Variants in RALGAPA1 observed in about 807,000 individuals in gnomAD.
RALGAPA1 encodes the protein Ral GTPase activating protein catalytic subunit alpha 1.
In RALGAPA1, 52 loss-of-function variants were observed where a neutral mutation model predicts 269.6. That is an observed-to-expected ratio of 0.19 (90% CI 0.15 to 0.24). RALGAPA1 has a LOEUF of 0.24. Ranked by LOEUF, RALGAPA1 falls within the 10% of genes least tolerant of loss-of-function variation. The probability of loss-of-function intolerance (pLI) is 1.00; values close to 1 mark genes in which losing one functional copy is unlikely to be tolerated. For synonymous variants in RALGAPA1, 817 were observed against 1,008.3 expected, an observed-to-expected ratio of 0.81 and a Z score of 3.60; for missense variants, 1,917 against 3,013.9, an observed-to-expected ratio of 0.64 and a Z score of 8.52.
At chr14:35,600,331 A>G (rs1161866917) in intron 36 of RALGAPA1, among the ~76,000 whole-genome samples, 1 of 148,804 alleles carries the variant, frequency 6.7e-6, no homozygotes, top group Non-Finnish European at 1.5e-5. Flanking sequence ...CCGGGACTCA[A>G]GCAATCCTCC....
At chr14:35,561,683 T>C (rs1206902342) in intron 39 of RALGAPA1, among the ~76,000 whole-genome samples, 2 of 151,948 alleles carry the variant, frequency 1.3e-5, no homozygotes, top group Non-Finnish European at 2.9e-5. Flanking sequence ...TAATTTTTTG[T>C]ATTTTTAGTA....
chr14:35,758,528 C>T (rs2073400385), intron 6 of RALGAPA1, among the ~76,000 whole-genome samples: 1 of 151,934 alleles, frequency 6.6e-6, no homozygotes, highest in South Asian at 2.1e-4. Flanking sequence ...AGAAGTCAGT[C>T]ACAAATATAT....
chr14:35,709,759 C>A (rs1442956267), intron 16 of RALGAPA1, among the ~76,000 whole-genome samples: 1 of 152,088 alleles, frequency 6.6e-6, no homozygotes, highest in Non-Finnish European at 1.5e-5. Flanking sequence ...TCATTTAGTT[C>A]AAAATATTCT....
intron 20 of RALGAPA1, 54 bp from the exon 21 acceptor site, chr14:35,684,039 T>A: frequency 7.0e-7 from 1 of 1,431,120 alleles, no homozygotes; most frequent in Non-Finnish European, 9.6e-7. Flanking sequence ...GTAAAAATAT[T>A]TACGAGAGCT....
At chr14:35,734,433 A>T (rs1398508521) in intron 12 of RALGAPA1, among the ~76,000 whole-genome samples, 3 of 152,176 alleles carry the variant, frequency 2.0e-5, no homozygotes, top group Non-Finnish European at 4.4e-5. Flanking sequence ...TCGACAGAGC[A>T]AACAAAAACA....
chr14:35,620,459 G>C (rs1566842046), intron 35 of RALGAPA1, among the ~76,000 whole-genome samples: 1 of 152,054 alleles, frequency 6.6e-6, no homozygotes, highest in Non-Finnish European at 1.5e-5. Context: ...TACAAGACAA[G>C]GATGCCCTCT....
intron 36 of RALGAPA1, among the ~76,000 whole-genome samples, chr14:35,600,960 G>A (rs1437620580): frequency 1.3e-5 from 2 of 152,194 alleles, no homozygotes; most frequent in Non-Finnish European, 2.9e-5. Context: ...AGACTCTGCT[G>A]TATGCGGGAA....
intron 33 of RALGAPA1, among the ~76,000 whole-genome samples, chr14:35,631,698 T>C (rs1795311299): frequency 6.6e-6 from 1 of 152,162 alleles, no homozygotes; most frequent in Non-Finnish European, 1.5e-5. Context: ...TGATCACAAA[T>C]ACATAAGATT....
chr14:35,669,990 C>T (rs2064272202), intron 26 of RALGAPA1, among the ~76,000 whole-genome samples: 2 of 152,172 alleles, frequency 1.3e-5, no homozygotes, highest in South Asian at 4.1e-4. Context: ...ATGAGTAAGA[C>T]ATGATTACTG....
intron 41 of RALGAPA1, among the ~76,000 whole-genome samples, chr14:35,543,280 C>T (rs2054169744): frequency 6.6e-6 from 1 of 152,020 alleles, no homozygotes; most frequent in African/African-American, 2.4e-5. Flanking sequence ...AGTAGGAGCA[C>T]AGTAAGTATA....
At chr14:35,645,346 G>GGTGT (rs58039867) in intron 31 of RALGAPA1, among the ~76,000 whole-genome samples, 9,297 of 129,472 alleles carry the variant, frequency 0.072, 377 homozygotes, top group East Asian at 0.14. Context: ...TATAGAGATG[G>GGTGT]GTGTGTGTGT....
At chr14:35,638,034 A>C (rs910082542) in intron 31 of RALGAPA1, among the ~76,000 whole-genome samples, 2 of 152,268 alleles carry the variant, frequency 1.3e-5, no homozygotes, top group Non-Finnish European at 2.9e-5. Flanking sequence ...GAGGGATTTC[A>C]TCAACACCAA....
At chr14:35,595,567 A>C (rs1594749001) in intron 37 of RALGAPA1, 67 bp downstream of exon 37, 1 of 1,350,316 alleles carries the variant, frequency 7.4e-7, no homozygotes, top group East Asian at 2.3e-5. Context: ...TTTCTTACTT[A>C]CGTATTTTCT....
chr14:35,785,106 T>G (rs2075705804), intron 1 of RALGAPA1, among the ~76,000 whole-genome samples: 1 of 152,248 alleles, frequency 6.6e-6, no homozygotes. Context: ...TCTTGATTCA[T>G]TAAATCATTT....
intron 1 of RALGAPA1, among the ~76,000 whole-genome samples, chr14:35,782,784 T>C (rs1315946355): frequency 6.6e-6 from 1 of 151,998 alleles, no homozygotes; most frequent in East Asian, 1.9e-4. Context: ...AAGCTAATCC[T>C]AAAATTCAAA....
At position 35,789,500 on chromosome 14, in the gene RALGAPA1, G is replaced by A. The variant is rs183694186; in HGVS notation, c.107-13755C>T. ...CCAGCTACTAGGGAGGCTGAGGCAG[G>A]AGAATCACTTGAACCTGGAAGGTGT... On this transcript the variant is annotated intron_variant, in intron 1 of 41. Coordinates refer to ENST00000680220, the MANE Select transcript of RALGAPA1 (RefSeq NM_001346249.2). Among the ~76,000 whole-genome samples the A allele has an allele frequency of 7.9e-5, 12 of 152,188 alleles. No individual in the cohort carries two copies. The South Asian group carries it at 1.2e-3, about 16-fold the overall frequency.
chr14:35,579,793 A>G (rs1286982010), intron 37 of RALGAPA1, among the ~76,000 whole-genome samples: 3 of 152,116 alleles, frequency 2.0e-5, no homozygotes, highest in Non-Finnish European at 4.4e-5. Flanking sequence ...AGTTTCTTCT[A>G]TAAGATTGTT....
At chr14:35,696,916 T>A (rs181285761) in intron 17 of RALGAPA1, among the ~76,000 whole-genome samples, 1 of 152,350 alleles carries the variant, frequency 6.6e-6, no homozygotes, top group Non-Finnish European at 1.5e-5. Context: ...TCTCTGCACA[T>A]TAAACTATTC....
chr14:35,541,040 ATTTTTTTTTT>A (rs559979336), intron 41 of RALGAPA1, among the ~76,000 whole-genome samples: 5 of 89,164 alleles, frequency 5.6e-5, no homozygotes, highest in African/African-American at 1.7e-4. Flanking sequence ...GAACACTTCA[ATTTTTTTTTT>A]TTTTTTTTTT....
Sources: allele counts gnomAD v4.1 joint callset (sites outside exome capture counted in the v4.1 genomes callset), GRCh38; gene constraint gnomAD v4.1.1; transcripts MANE v1.5; gene names NCBI Gene and HGNC (gene_info 2026-07-23, HGNC 2026-07-21).